AGR3: variants seen among roughly 807,000 people sequenced by gnomAD.
AGR3 encodes anterior gradient 3, protein disulphide isomerase family member.
Under a neutral mutation model 24.5 loss-of-function variants are expected in AGR3, and 37 were observed. That is an observed-to-expected ratio of 1.51 (90% CI 1.16 to 1.99). The LOEUF is 1.99. AGR3 is among the 30% of genes most tolerant of loss of function. The pLI is 0.00. For missense variants in AGR3, 228 were observed against 191.1 expected, an observed-to-expected ratio of 1.19 and a Z score of -1.14; for synonymous variants, 75 against 61.6, an observed-to-expected ratio of 1.22 and a Z score of -1.02.
intron 5 of AGR3, 62 bp downstream of exon 5, chr7:16,861,922 A>G (rs1193538129): frequency 3.4e-6 from 5 of 1,465,302 alleles, no homozygotes; most frequent in East Asian, 4.6e-5. Flanking sequence ...AAAAAAGAAA[A>G]AAACGGATTC....
At chr7:16,869,713 C>G (rs1053647821) in intron 3 of AGR3, among the ~76,000 whole-genome samples, 5 of 149,732 alleles carry the variant, frequency 3.3e-5, no homozygotes, top group African/African-American at 1.2e-4. Context: ...CAGGGGGAAC[C>G]TGTTTTTTAA....
At chr7:16,862,346 A>T (rs548409939) in intron 4 of AGR3, among the ~76,000 whole-genome samples, 1 of 152,238 alleles carries the variant, frequency 6.6e-6, no homozygotes, top group South Asian at 2.1e-4. Context: ...CAGTGTTTCT[A>T]CACCTTCTCA....
chr7:16,869,299 C>T (rs1781820375), intron 3 of AGR3, among the ~76,000 whole-genome samples: 1 of 152,082 alleles, frequency 6.6e-6, no homozygotes, highest in African/African-American at 2.4e-5. Context: ...TAATGACCTT[C>T]TTTGTTTCTG....
At chr7:16,864,670 A>G (rs1259919087) in intron 3 of AGR3, 11 of 1,585,782 alleles carry the variant, frequency 6.9e-6, no homozygotes, top group Non-Finnish European at 7.8e-6. Context: ...GAAGTCAGGA[A>G]AAAGTGCTTT....
chr7:16,880,567 T>TTCCCCTCCTC (rs1782098971), intron 1 of AGR3, among the ~76,000 whole-genome samples: 1 of 103,588 alleles, frequency 9.7e-6, no homozygotes, highest in African/African-American at 3.8e-5. Context: ...TTCCCCTCCT[T>TTCCCCTCCTC]TCCCCTCCTC....
At chr7:16,857,988 T>C (rs1290360644), downstream of AGR3, among the ~76,000 whole-genome samples, 1 of 125,704 alleles carries the variant, frequency 8.0e-6, no homozygotes, top group African/African-American at 3.6e-5. Context: ...TCTAAAACAT[T>C]TTCTTTTTTT....
chr7:16,864,577 A>G, intron 3 of AGR3: 3 of 1,468,666 alleles, frequency 2.0e-6, no homozygotes, highest in Non-Finnish European at 2.9e-6. Context: ...GATAAGAGAA[A>G]TCTGAGCTTG....
intron 1 of AGR3, among the ~76,000 whole-genome samples, chr7:16,881,718 C>T (rs537250902): frequency 2.6e-5 from 4 of 152,172 alleles, no homozygotes; most frequent in Admixed American, 1.3e-4. Context: ...TTCAAAGAGT[C>T]GTTTTTGTGG....
intron 2 of AGR3, 88 bp from the exon 3 acceptor site, chr7:16,873,931 A>T (rs1249173729): frequency 2.8e-6 from 3 of 1,054,460 alleles, no homozygotes; most frequent in Non-Finnish European, 4.3e-6. Context: ...ATCTACCTAC[A>T]GATATTTAAC....
chr7:16,861,545 C>A, intron 5 of AGR3, 98 bp from the exon 6 acceptor site: 1 of 1,040,048 alleles, frequency 9.6e-7, no homozygotes, highest in Non-Finnish European at 1.5e-6. Context: ...CTATTTTGGC[C>A]TTTTATAATT....
intron 3 of AGR3, among the ~76,000 whole-genome samples, chr7:16,871,497 A>G (rs972801270): frequency 5.9e-5 from 9 of 152,112 alleles, no homozygotes; most frequent in Non-Finnish European, 1.0e-4. Flanking sequence ...TTTCTATACA[A>G]CAATAACAAA....
At chr7:16,857,403 TA>T (rs961475443), downstream of AGR3, among the ~76,000 whole-genome samples, 26 of 152,310 alleles carry the variant, frequency 1.7e-4, no homozygotes, top group African/African-American at 6.3e-4. Flanking sequence ...TGAAGAAAGA[TA>T]AGTGAATGTT....
intron 1 of AGR3, among the ~76,000 whole-genome samples, chr7:16,881,067 T>C (rs538639576): frequency 1.4e-4 from 21 of 152,310 alleles, no homozygotes; most frequent in Admixed American, 4.6e-4. Flanking sequence ...AAAGAAGAGT[T>C]AAGAAAAGTC....
intron 6 of AGR3, among the ~76,000 whole-genome samples, chr7:16,860,850 T>A (rs1226334684): frequency 6.6e-6 from 1 of 152,194 alleles, no homozygotes; most frequent in Non-Finnish European, 1.5e-5. Context: ...CCTCTCTTTA[T>A]GTCCATGTGT....
intron 7 of AGR3, 51 bp downstream of exon 7, chr7:16,860,449 T>G: frequency 7.5e-7 from 1 of 1,338,114 alleles, no homozygotes; most frequent in Non-Finnish European, 1.1e-6. Flanking sequence ...CCTTAACAAA[T>G]AGTCAGGGGT....
chr7:16,855,842 T>C (rs1315201056), downstream of AGR3, among the ~76,000 whole-genome samples: 2 of 152,192 alleles, frequency 1.3e-5, no homozygotes, highest in Non-Finnish European at 2.9e-5. Flanking sequence ...CCTACTCTTA[T>C]TAACTCTAAT....
intron 2 of AGR3, among the ~76,000 whole-genome samples, chr7:16,877,755 T>C (rs1010075902): frequency 2.7e-5 from 4 of 150,186 alleles, no homozygotes; most frequent in African/African-American, 9.8e-5. Context: ...CCCAGCTACT[T>C]GGGAGGCTGA....
At chr7:16,870,495 G>C (rs921390800) in intron 3 of AGR3, among the ~76,000 whole-genome samples, 4 of 151,976 alleles carry the variant, frequency 2.6e-5, no homozygotes, top group African/African-American at 7.2e-5. Flanking sequence ...TGTTTTCCCA[G>C]TAAGCATAAT....
rs182553399 is a variant in AGR3 at position 16,865,416 on chromosome 7, A to T, written c.174-2754T>A. 6.9e-5 allele frequency: 64 copies of T among 927,452 alleles called. No individual in the cohort carries two copies. In the East Asian group the frequency reaches 1.5e-3, roughly 22 times the overall value. 57.5% of individuals were successfully genotyped at this position (927,452 alleles called of 1,614,324 possible). A position where few individuals can be genotyped will look rare whatever the true frequency, so the allele number is the denominator to read the frequency against. The stretch of plus-strand genomic sequence containing the variant: ...CTCTATAGTCACTATTCGATTAAGA[A>T]ATTTCATCGTAATTGTTGGTGCCAC... On this transcript the variant is annotated intron_variant, in intron 3 of 7. Coordinates refer to ENST00000310398, the MANE Select transcript of AGR3 (RefSeq NM_176813.5).
Sources: allele counts gnomAD v4.1 joint callset (sites outside exome capture counted in the v4.1 genomes callset), GRCh38; gene constraint gnomAD v4.1.1; transcripts MANE v1.5; gene names NCBI Gene and HGNC (gene_info 2026-07-23, HGNC 2026-07-21).